RBFOX1: variants seen among roughly 807,000 people sequenced by gnomAD.
RBFOX1 encodes the protein RNA binding protein fox-1 homolog 1.
RBFOX1 carries 8 observed loss-of-function variants against 57.7 expected under a neutral mutation model. The observed-to-expected ratio is 0.14, with a 90% CI of 0.08 to 0.25. The LOEUF (loss-of-function observed/expected upper bound fraction) is 0.25, where lower values mean the gene tolerates loss of function less well. RBFOX1 is among the 10% of genes least tolerant of loss of function. RBFOX1 has a pLI of 1.00. For synonymous variants in RBFOX1, 326 were observed against 222.4 expected, an observed-to-expected ratio of 1.47 and a Z score of -4.15; for missense variants, 611 against 548.5, an observed-to-expected ratio of 1.11 and a Z score of -1.14.
At chr16:6,961,032 A>G (rs1316255033) in intron 3 of RBFOX1, among the ~76,000 whole-genome samples, 1 of 151,364 alleles carries the variant, frequency 6.6e-6, no homozygotes, top group East Asian at 1.9e-4. Flanking sequence ...TAGTCCAGCT[A>G]CTCAGGAGGC....
intron 4 of RBFOX1, among the ~76,000 whole-genome samples, chr16:7,275,231 C>G (rs1450204222): frequency 2.0e-5 from 3 of 152,100 alleles, no homozygotes; most frequent in Non-Finnish European, 4.4e-5. Flanking sequence ...CTAACTCATT[C>G]AAAAATAGCA....
chr16:5,390,185 A>G (rs1054156457), intron 1 of RBFOX1, among the ~76,000 whole-genome samples: 1 of 152,114 alleles, frequency 6.6e-6, no homozygotes, highest in South Asian at 2.1e-4. Context: ...TAATTTCACA[A>G]TATATTTTTA....
At chr16:6,068,489 AC>A (rs2095795428) in intron 1 of RBFOX1, among the ~76,000 whole-genome samples, 1 of 152,122 alleles carries the variant, frequency 6.6e-6, no homozygotes, top group Non-Finnish European at 1.5e-5. Flanking sequence ...CTTAATAGGA[AC>A]CGTTTGGGGT....
At chr16:7,141,980 C>T (rs976248600) in intron 4 of RBFOX1, among the ~76,000 whole-genome samples, 1 of 142,584 alleles carries the variant, frequency 7.0e-6, no homozygotes, top group Non-Finnish European at 1.6e-5. Context: ...TCTCCTTCTT[C>T]TCCATCTTCT....
intron 3 of RBFOX1, among the ~76,000 whole-genome samples, chr16:7,017,937 C>T (rs1473184972): frequency 6.6e-6 from 1 of 152,166 alleles, no homozygotes; most frequent in Non-Finnish European, 1.5e-5. Flanking sequence ...TGCAAACTGT[C>T]GGCGACGTGT....
chr16:5,461,677 G>T (rs897163968), intron 1 of RBFOX1, among the ~76,000 whole-genome samples: 35 of 152,250 alleles, frequency 2.3e-4, no homozygotes, highest in African/African-American at 8.4e-4. Context: ...TGGTGGCCAC[G>T]GTGCATTTGG....
intron 3 of RBFOX1, among the ~76,000 whole-genome samples, chr16:6,940,191 CAAAAAT>C (rs148165411): frequency 0.14 from 20,730 of 151,852 alleles, 1,677 homozygotes; most frequent in East Asian, 0.27. Flanking sequence ...GACTCCATCT[CAAAAAT>C]AAAAATAAAT....
intron 3 of RBFOX1, among the ~76,000 whole-genome samples, chr16:6,692,635 ATTT>A: frequency 6.7e-6 from 1 of 148,810 alleles, no homozygotes; most frequent in East Asian, 2.0e-4. Flanking sequence ...ATCCAAACAC[ATTT>A]TTTTTTTTTT....
At chr16:5,719,202 C>G (rs891041347) in intron 3 of RBFOX1, among the ~76,000 whole-genome samples, 2 of 120,086 alleles carry the variant, frequency 1.7e-5, no homozygotes, top group Admixed American at 8.5e-5. Flanking sequence ...ATATTAGAAT[C>G]TTTTTTTTTT....
chr16:7,538,595 T>G (rs2082106468), intron 5 of RBFOX1, among the ~76,000 whole-genome samples: 2 of 152,156 alleles, frequency 1.3e-5, no homozygotes, highest in Non-Finnish European at 2.9e-5. Context: ...GAGAGAGAGA[T>G]GGAAACAAAT....
chr16:6,929,454 G>A (rs1012053390), intron 3 of RBFOX1, among the ~76,000 whole-genome samples: 3 of 152,244 alleles, frequency 2.0e-5, no homozygotes, highest in South Asian at 2.1e-4. Flanking sequence ...TATATCAGAA[G>A]CGTGCTTTTC....
chr16:6,805,714 T>A (rs761591670), intron 3 of RBFOX1, among the ~76,000 whole-genome samples: 10 of 149,866 alleles, frequency 6.7e-5, no homozygotes, highest in Non-Finnish European at 1.0e-4. Context: ...CCATTCTGCA[T>A]GCCTCACAAT....
At position 7,554,380 on chromosome 16, in the gene RBFOX1, T is replaced by G. The variant is rs561727587; in HGVS notation, c.271-25397T>G. The stretch of plus-strand genomic sequence containing the variant: ...ATATACTTTTAGGTAAAAGTCCATT[T>G]TAGTCATTAGCAACCTGAGCACAGA... On this transcript the variant is annotated intron_variant, in intron 5 of 15. Coordinates refer to ENST00000550418, the MANE Select transcript of RBFOX1 (RefSeq NM_018723.4). Among the ~76,000 whole-genome samples, 12 of 152,346 alleles carry G rather than the reference T, an allele frequency of 7.9e-5. No homozygotes were observed. The East Asian group carries it at 2.1e-3, about 27-fold the overall frequency.
chr16:5,366,443 A>G (rs2065717706), intron 1 of RBFOX1: 1 of 450,422 alleles, frequency 2.2e-6, no homozygotes, highest in South Asian at 1.7e-5. Flanking sequence ...AAATGAAAAG[A>G]CTCAGAACCA....
intron 4 of RBFOX1, among the ~76,000 whole-genome samples, chr16:7,312,470 G>A (rs986226874): frequency 1.3e-5 from 2 of 152,154 alleles, no homozygotes; most frequent in African/African-American, 2.4e-5. Flanking sequence ...TAAACTTCTC[G>A]TTTCCATTTC....
At chr16:7,039,664 A>G (rs186091393) in intron 3 of RBFOX1, among the ~76,000 whole-genome samples, 4 of 152,322 alleles carry the variant, frequency 2.6e-5, no homozygotes, top group Admixed American at 2.6e-4. Flanking sequence ...GACATAAACT[A>G]TCCTGTCTTC....
intron 4 of RBFOX1, among the ~76,000 whole-genome samples, chr16:7,072,865 A>G (rs1387858284): frequency 6.6e-6 from 1 of 152,184 alleles, no homozygotes; most frequent in Non-Finnish European, 1.5e-5. Context: ...TCTGAGATGA[A>G]GAATTTACAA....
chr16:6,636,173 G>A (rs1027818977), intron 2 of RBFOX1, among the ~76,000 whole-genome samples: 1 of 152,008 alleles, frequency 6.6e-6, no homozygotes, highest in Non-Finnish European at 1.5e-5. Flanking sequence ...CTTGGATTTG[G>A]GATTTTTTCT....
At chr16:5,775,313 C>G (rs75746087) in intron 3 of RBFOX1, among the ~76,000 whole-genome samples, 1 of 152,102 alleles carries the variant, frequency 6.6e-6, no homozygotes, top group African/African-American at 2.4e-5. Context: ...TTTCCCTCTT[C>G]CCTCTTCCCT....
Sources: gnomAD v4.1 joint callset for allele counts (sites outside exome capture counted in the v4.1 genomes callset) on GRCh38, gnomAD v4.1.1 for gene constraint, MANE v1.5 for transcripts, NCBI Gene and HGNC (gene_info 2026-07-23, HGNC 2026-07-21) for gene names.